Variants in MARCHF1 observed in about 807,000 individuals in gnomAD.
MARCHF1 encodes the protein E3 ubiquitin-protein ligase MARCHF1.
A neutral mutation model predicts 54.2 loss-of-function variants in MARCHF1; 40 were observed. The observed-to-expected ratio is 0.74, with a 90% CI of 0.57 to 0.96. The LOEUF (loss-of-function observed/expected upper bound fraction) is 0.96. Among genes scored for constraint, MARCHF1 ranks in the 40% least tolerant of loss-of-function variants. MARCHF1 has a pLI of 0.00. For missense variants in MARCHF1, 586 were observed against 656.5 expected, an observed-to-expected ratio of 0.89 and a Z score of 1.17; for synonymous variants, 236 against 236.3, an observed-to-expected ratio of 1.00 and a Z score of 0.01.
At chr4:164,114,702 G>A (rs971119107) in intron 1 of MARCHF1, among the ~76,000 whole-genome samples, 22 of 149,546 alleles carry the variant, frequency 1.5e-4, no homozygotes, top group East Asian at 2.0e-4. Context: ...ATTTTATTAC[G>A]ATAAATAGTA....
At chr4:164,080,076 AC>A (rs1326055373) in intron 2 of MARCHF1, among the ~76,000 whole-genome samples, 4 of 152,198 alleles carry the variant, frequency 2.6e-5, no homozygotes, top group South Asian at 2.1e-4. Context: ...CTTAAAAAAA[AC>A]AGGAAGCTTC....
At chr4:163,951,311 A>G (rs1328528918) in intron 3 of MARCHF1, among the ~76,000 whole-genome samples, 1 of 152,218 alleles carries the variant, frequency 6.6e-6, no homozygotes, top group African/African-American at 2.4e-5. Context: ...TCATCTATGA[A>G]GTAGATTTGC....
intron 2 of MARCHF1, among the ~76,000 whole-genome samples, chr4:164,111,264 C>T (rs1267670152): frequency 6.6e-6 from 1 of 151,682 alleles, no homozygotes; most frequent in African/African-American, 2.4e-5. Context: ...AACGGAGGTA[C>T]TATAATTACC....
chr4:164,138,098 C>G (rs1272502420), intron 1 of MARCHF1, among the ~76,000 whole-genome samples: 1 of 152,114 alleles, frequency 6.6e-6, no homozygotes, highest in Non-Finnish European at 1.5e-5. Context: ...AGCCAGTGAG[C>G]TGTTGGGAGG....
At chr4:164,259,200 A>G (rs936300604) in intron 1 of MARCHF1, among the ~76,000 whole-genome samples, 3 of 152,236 alleles carry the variant, frequency 2.0e-5, no homozygotes, top group Non-Finnish European at 2.9e-5. Context: ...ATCCCTGCAC[A>G]TCACCTATCC....
At position 163,616,234 on chromosome 4, in the gene MARCHF1, A is replaced by G. The variant is rs191570830; in HGVS notation, c.163-2841T>C. On this transcript the variant is annotated intron_variant, in intron 5 of 9. Transcript: ENST00000514618. ...TAGACAAATGAGACTACATCAAACTAAAAAGCAAAGCTTTCTCCTTGCTTG... is the reference window on the plus strand; with the variant it reads ...TAGACAAATGAGACTACATCAAACTGAAAAGCAAAGCTTTCTCCTTGCTTG... Among the ~76,000 whole-genome samples, 17 of 152,280 alleles carry G rather than the reference A, an allele frequency of 1.1e-4. No individual in the cohort carries two copies. In the East Asian group the frequency reaches 2.5e-3, roughly 23 times the overall value.
At chr4:163,812,354 T>C (rs1041450530) in intron 4 of MARCHF1, among the ~76,000 whole-genome samples, 1 of 151,912 alleles carries the variant, frequency 6.6e-6, no homozygotes, top group African/African-American at 2.4e-5. Flanking sequence ...TACACGTATA[T>C]ATACATATTG....
intron 1 of MARCHF1, among the ~76,000 whole-genome samples, chr4:164,320,893 T>C (rs1484669873): frequency 6.6e-6 from 1 of 152,148 alleles, no homozygotes; most frequent in Non-Finnish European, 1.5e-5. Context: ...TCTCTGTCTT[T>C]CCCAAGTCAA....
At chr4:164,255,493 A>T (rs1381282736) in intron 1 of MARCHF1, among the ~76,000 whole-genome samples, 1 of 152,074 alleles carries the variant, frequency 6.6e-6, no homozygotes, top group East Asian at 1.9e-4. Context: ...CACGCATGAA[A>T]ATGGGATATA....
intron 3 of MARCHF1, among the ~76,000 whole-genome samples, chr4:163,876,225 C>A (rs1331710952): frequency 6.6e-6 from 1 of 152,124 alleles, no homozygotes; most frequent in Non-Finnish European, 1.5e-5. Context: ...CAATATACTG[C>A]ACAACAAATT....
chr4:163,861,204 T>G (rs1273725650), intron 3 of MARCHF1, among the ~76,000 whole-genome samples: 1 of 152,198 alleles, frequency 6.6e-6, no homozygotes, highest in East Asian at 1.9e-4. Flanking sequence ...AGTCTGGAAG[T>G]GCCCAAGAAA....
At chr4:163,692,977 A>C (rs1744510660) in intron 5 of MARCHF1, among the ~76,000 whole-genome samples, 1 of 151,590 alleles carries the variant, frequency 6.6e-6, no homozygotes, top group South Asian at 2.1e-4. Flanking sequence ...GATCAAAAGC[A>C]GTTTGTATTC....
chr4:164,018,298 A>G (rs1026746773), intron 2 of MARCHF1, among the ~76,000 whole-genome samples: 2 of 152,030 alleles, frequency 1.3e-5, no homozygotes, highest in Non-Finnish European at 2.9e-5. Flanking sequence ...ACTTTATTCA[A>G]ATAACAACTA....
At chr4:163,802,247 T>C (rs1043383459) in intron 4 of MARCHF1, among the ~76,000 whole-genome samples, 4 of 152,162 alleles carry the variant, frequency 2.6e-5, no homozygotes, top group African/African-American at 9.7e-5. Context: ...ATCAAAGCTA[T>C]GACACATTGT....
At chr4:163,602,333 C>T (rs6536742) in intron 7 of MARCHF1, among the ~76,000 whole-genome samples, 139,733 of 152,162 alleles carry the variant, frequency 0.92, 64,276 homozygotes, top group African/African-American at 0.97. Context: ...ATCAAGGAAA[C>T]AAATTAGTTT....
At chr4:163,739,088 T>TA (rs1220998468) in intron 4 of MARCHF1, among the ~76,000 whole-genome samples, 2 of 152,224 alleles carry the variant, frequency 1.3e-5, no homozygotes, top group African/African-American at 4.8e-5. Flanking sequence ...CTCAATACAA[T>TA]ACTCAACAAA....
chr4:163,766,364 T>C (rs972543978), intron 4 of MARCHF1, among the ~76,000 whole-genome samples: 1 of 152,076 alleles, frequency 6.6e-6, no homozygotes, highest in Admixed American at 6.6e-5. Context: ...CTTCACTCCC[T>C]CAATTCTCCT....
rs188069648 is a variant in MARCHF1 at position 164,060,960 on chromosome 4, T to G, written c.-248+50628A>C. Among the ~76,000 whole-genome samples, 95 of 152,292 alleles carry G rather than the reference T, an allele frequency of 6.2e-4. 1 individual carries two copies. Among genetic ancestry groups the G allele is most frequent in the African/African-American group, 2.2e-3 (92 of 41,580 alleles). On this transcript the variant is annotated intron_variant, in intron 2 of 9. Transcript: ENST00000514618. ...AGTGATATAAGGCTAGAGGGTGGTCTTCTAAGTGACATCAACTTATTAATT... is the reference window on the plus strand; with the variant it reads ...AGTGATATAAGGCTAGAGGGTGGTCGTCTAAGTGACATCAACTTATTAATT...
At chr4:163,817,002 T>C (rs924535294) in intron 4 of MARCHF1, among the ~76,000 whole-genome samples, 1 of 152,152 alleles carries the variant, frequency 6.6e-6, no homozygotes, top group African/African-American at 2.4e-5. Context: ...GTGGTGAATA[T>C]GGACTCTGTC....
Sources: allele counts gnomAD v4.1 joint callset (sites outside exome capture counted in the v4.1 genomes callset), GRCh38; gene constraint gnomAD v4.1.1; transcripts MANE v1.5; gene names NCBI Gene and HGNC (gene_info 2026-07-23, HGNC 2026-07-21).